Variants in COL25A1 observed in about 807,000 individuals in gnomAD.
COL25A1 encodes collagen alpha-1(XXV) chain.
In COL25A1, 103 loss-of-function variants were observed where a neutral mutation model predicts 128.4. That is an observed-to-expected ratio of 0.80 (90% CI 0.68 to 0.94). The LOEUF (loss-of-function observed/expected upper bound fraction) is 0.94. COL25A1 is among the 40% of genes least tolerant of loss of function. COL25A1 has a pLI of 0.00. For missense variants in COL25A1, 745 were observed against 840.0 expected, an observed-to-expected ratio of 0.89 and a Z score of 1.40; for synonymous variants, 279 against 277.2, an observed-to-expected ratio of 1.01 and a Z score of -0.06.
intron 13 of COL25A1, among the ~76,000 whole-genome samples, chr4:108,913,077 C>CT (rs67787536): frequency 1.4e-4 from 21 of 151,626 alleles, no homozygotes; most frequent in Admixed American, 2.0e-4. Context: ...TGATATTTAT[C>CT]TTTTTTTTTG....
intron 31 of COL25A1, 171 bp from the exon 32 acceptor site, chr4:108,832,604 C>G: frequency 1.8e-6 from 1 of 559,462 alleles, no homozygotes; most frequent in East Asian, 2.9e-5. Flanking sequence ...TCAAGAAACT[C>G]ATGCAAAAAG....
rs553198586 is a variant in COL25A1 at position 109,211,284 on chromosome 4, ATGAAAC to A, written c.367+89293_367+89298del. On this transcript the variant is annotated intron_variant, in intron 3 of 37. Coordinates refer to ENST00000399132, the MANE Select transcript of COL25A1 (RefSeq NM_198721.4). Reference sequence around the variant, plus strand: ...TGTATATATATGAAACTATATATATATGAAACTATATATATATATATATATATATAT... The same window carrying A: ...TGTATATATATGAAACTATATATATATATATATATATATATATATATATAT... Among the ~76,000 whole-genome samples, 62 of 117,448 alleles carry A rather than the reference ATGAAAC, an allele frequency of 5.3e-4. No individual in the cohort carries two copies. The South Asian group carries it at 9.5e-3, about 18-fold the overall frequency. The allele number at this position is 117,448 out of a possible 152,430, so 77.1% of individuals were successfully genotyped here.
intron 36 of COL25A1, 36 bp downstream of exon 36, chr4:108,819,216 C>T: frequency 2.0e-6 from 3 of 1,487,230 alleles, no homozygotes; most frequent in Non-Finnish European, 2.8e-6. Context: ...AACAAAGGAA[C>T]TGCATGCAGG....
rs544462343 is a variant in COL25A1 at position 109,104,098 on chromosome 4, T to C, written c.368-53919A>G. 4.6e-5 allele frequency among the ~76,000 whole-genome samples: 7 copies of C among 152,226 alleles called. No individual in the cohort carries two copies. The South Asian group carries it at 8.3e-4, about 18-fold the overall frequency. On this transcript the variant is annotated intron_variant, in intron 3 of 37. Transcript: ENST00000399132. ...TAGAAAATCACTCTTTTTAGCCAGG[T>C]TGAATAGCTCATGCTTGTAATTGCA...
intron 11 of COL25A1, among the ~76,000 whole-genome samples, chr4:108,928,404 C>G (rs1746322706): frequency 6.6e-6 from 1 of 152,134 alleles, no homozygotes; most frequent in African/African-American, 2.4e-5. Flanking sequence ...CAGAAACATT[C>G]TATATTGGTC....
chr4:109,093,458 A>G (rs750291295), intron 3 of COL25A1, among the ~76,000 whole-genome samples: 33 of 104,204 alleles, frequency 3.2e-4, no homozygotes, highest in Admixed American at 5.4e-4. Flanking sequence ...CATCTCTATG[A>G]AAAAAAAAAA....
chr4:108,874,765 AG>A (rs1259774309), intron 19 of COL25A1, among the ~76,000 whole-genome samples: 5 of 152,232 alleles, frequency 3.3e-5, no homozygotes, highest in Admixed American at 3.3e-4. Context: ...AAGAAAAATG[AG>A]GGAAAGACAA....
At chr4:109,254,505 A>ATATATATATATATATATATATGTG (rs1383703429) in intron 3 of COL25A1, among the ~76,000 whole-genome samples, 39 of 104,996 alleles carry the variant, frequency 3.7e-4, no homozygotes, top group African/African-American at 4.8e-4. Context: ...ATATATATAT[A>ATATATATATATATATATATATGTG]TGTATGTGTG....
chr4:109,221,181 G>C (rs1199606059), intron 3 of COL25A1, among the ~76,000 whole-genome samples: 1 of 139,136 alleles, frequency 7.2e-6, no homozygotes, highest in African/African-American at 3.1e-5. Flanking sequence ...AAGATACTAA[G>C]TACTAAACAA....
chr4:108,949,583 G>C (rs1409389235), intron 8 of COL25A1, among the ~76,000 whole-genome samples: 1 of 151,674 alleles, frequency 6.6e-6, no homozygotes, highest in Non-Finnish European at 1.5e-5. Flanking sequence ...ACCCAGACTG[G>C]AGTGCAGTGG....
intron 3 of COL25A1, among the ~76,000 whole-genome samples, chr4:109,157,854 C>A (rs1477148718): frequency 2.6e-5 from 4 of 152,228 alleles, no homozygotes; most frequent in Non-Finnish European, 4.4e-5. Context: ...CGTGTCCATA[C>A]AGCCGCTGCT....
chr4:109,139,581 CT>C (rs1410016513), intron 3 of COL25A1, among the ~76,000 whole-genome samples: 1 of 152,158 alleles, frequency 6.6e-6, no homozygotes, highest in African/African-American at 2.4e-5. Context: ...AATATGGAAT[CT>C]TTTCCCTGTT....
intron 27 of COL25A1, among the ~76,000 whole-genome samples, chr4:108,848,000 C>T (rs1735313786): frequency 6.6e-6 from 1 of 151,984 alleles, no homozygotes; most frequent in African/African-American, 2.4e-5. Context: ...GATTCCATTC[C>T]AAATTCTGAA....
chr4:108,819,245 A>G lies in COL25A1; in HGVS notation c.1923+7T>C. On this transcript the variant is annotated splice_region_variant and intron_variant, in intron 36 of 37. Coordinates refer to ENST00000399132, the MANE Select transcript of COL25A1 (RefSeq NM_198721.4). Reference sequence around the variant, plus strand: ...ATGCAGGGTGGTAGGAAAGAGAAATACTGTACCAATTGGCAAGGGGCATCC... The same window carrying G: ...ATGCAGGGTGGTAGGAAAGAGAAATGCTGTACCAATTGGCAAGGGGCATCC... 1 of 1,602,464 alleles carries G rather than the reference A, an allele frequency of 6.2e-7. No individual in the cohort carries two copies. The highest frequency in any genetic ancestry group is 8.5e-7 in the Non-Finnish European group (1 of 1,174,418).
At chr4:109,222,763 G>A (rs979999815) in intron 3 of COL25A1, among the ~76,000 whole-genome samples, 1 of 152,160 alleles carries the variant, frequency 6.6e-6, no homozygotes, top group African/African-American at 2.4e-5. Flanking sequence ...TCAAGATTAA[G>A]CAAACCTATA....
intron 24 of COL25A1, among the ~76,000 whole-genome samples, chr4:108,859,321 C>G (rs1736887734): frequency 1.3e-5 from 2 of 152,148 alleles, no homozygotes; most frequent in African/African-American, 4.8e-5. Context: ...GCTCCAGCCC[C>G]AGAGGCACAG....
intron 6 of COL25A1, among the ~76,000 whole-genome samples, chr4:109,001,304 G>A (rs1755337757): frequency 9.6e-6 from 1 of 104,586 alleles, no homozygotes; most frequent in Non-Finnish European, 2.1e-5. Context: ...GCAGCAATGA[G>A]TGGCCAGACA....
chr4:108,921,152 C>T (rs1180916387), intron 11 of COL25A1, among the ~76,000 whole-genome samples: 1 of 152,114 alleles, frequency 6.6e-6, no homozygotes, highest in Non-Finnish European at 1.5e-5. Context: ...AGGCCAGTGT[C>T]AACTGTGATA....
intron 13 of COL25A1, among the ~76,000 whole-genome samples, chr4:108,913,537 CGT>C (rs1744511589): frequency 6.6e-6 from 1 of 151,960 alleles, no homozygotes; most frequent in Non-Finnish European, 1.5e-5. Context: ...GGATTATAGG[CGT>C]GAGACACCGC....
Sources: gnomAD v4.1 joint callset for allele counts (sites outside exome capture counted in the v4.1 genomes callset) on GRCh38, gnomAD v4.1.1 for gene constraint, MANE v1.5 for transcripts, NCBI Gene and HGNC (gene_info 2026-07-23, HGNC 2026-07-21) for gene names.